Variants in PREX2 observed in about 807,000 individuals in gnomAD.
PREX2 encodes phosphatidylinositol 3,4,5-trisphosphate-dependent Rac exchanger 2 protein.
A neutral mutation model predicts 203.2 loss-of-function variants in PREX2; 107 were observed. The observed-to-expected ratio is 0.53, with a 90% CI of 0.45 to 0.62. The LOEUF is 0.62. Among genes scored for constraint, PREX2 ranks in the 20% least tolerant of loss-of-function variants. The probability of loss-of-function intolerance (pLI) is 0.00; values close to 1 mark genes in which losing one functional copy is unlikely to be tolerated. For missense variants in PREX2, 1,777 were observed against 1,955.9 expected (o/e 0.91, Z 1.72); for synonymous variants, 672 against 663.6 (o/e 1.01, Z -0.19).
chr8:68,214,190 A>G (rs1458091776), intron 37 of PREX2, among the ~76,000 whole-genome samples: 3 of 152,152 alleles, frequency 2.0e-5, no homozygotes, highest in Non-Finnish European at 4.4e-5. Flanking sequence ...CGCTTGAGAC[A>G]AGGAGTTCAA....
intron 1 of PREX2, among the ~76,000 whole-genome samples, chr8:67,959,032 A>G (rs1007065309): frequency 1.3e-5 from 2 of 152,222 alleles, no homozygotes; most frequent in Non-Finnish European, 2.9e-5. Flanking sequence ...CAATTGAGTG[A>G]GATGGCATAA....
chr8:68,057,944 G>C (rs973974048), intron 10 of PREX2, among the ~76,000 whole-genome samples: 1 of 152,170 alleles, frequency 6.6e-6, no homozygotes, highest in African/African-American at 2.4e-5. Context: ...GTGTCATATG[G>C]GAATAGTGCA....
chr8:67,998,702 T>C (rs4282552), intron 1 of PREX2, among the ~76,000 whole-genome samples: 104,336 of 152,074 alleles, frequency 0.69, 36,032 homozygotes, highest in South Asian at 0.81. Context: ...CCCAGGAGTT[T>C]GAGGCTGCAG....
At position 68,118,581 on chromosome 8, in the gene PREX2, T is replaced by G; in HGVS notation, c.3358T>G (p.Ser1120Ala). Residue 1120 changes from serine (S) to alanine (A), a missense_variant, in exon 27 of 40, where the codon TCC (serine) becomes GCC (alanine). By Grantham distance (99) the Ser-to-Ala change is moderately conservative. Transcript: ENST00000288368. ...DCNSNRNSIA[S>A]FTSICSSQCS... ...CAACAGCAATAGGAATTCCATCGCC[T>G]CCTTCACCAGCATCTGCAGCAGCCA... 6.2e-7 allele frequency: 1 copy of G among 1,614,052 alleles called. No individual in the cohort carries two copies. Among genetic ancestry groups the G allele is most frequent in the East Asian group, 2.2e-5 (1 of 44,882 alleles).
chr8:68,058,092 G>C (rs1415630836), intron 10 of PREX2, among the ~76,000 whole-genome samples: 1 of 152,196 alleles, frequency 6.6e-6, no homozygotes, highest in Admixed American at 6.5e-5. Context: ...GATCATTTCT[G>C]AGTGGATCCT....
chr8:68,183,121 C>G (rs1812116889), intron 35 of PREX2, among the ~76,000 whole-genome samples: 1 of 151,704 alleles, frequency 6.6e-6, no homozygotes, highest in Admixed American at 6.6e-5. Flanking sequence ...GCTTTTGGCA[C>G]CGGAGAAATT....
rs551148949 is a variant in PREX2, at chr8:68,045,400, A to G, written c.943+810A>G. Among the ~76,000 whole-genome samples, 4 of 152,230 alleles carry G rather than the reference A, an allele frequency of 2.6e-5. No homozygotes were observed. In the South Asian group the frequency reaches 6.2e-4, roughly 24 times the overall value. On this transcript the variant is annotated intron_variant, in intron 8 of 39. Transcript: ENST00000288368. Reference sequence around the variant, plus strand: ...TTCGTTATACATGTGGGATTGGGACACAGATCAGCTCCCTCCACCTCTCAC... The same window carrying G: ...TTCGTTATACATGTGGGATTGGGACGCAGATCAGCTCCCTCCACCTCTCAC...
intron 35 of PREX2, among the ~76,000 whole-genome samples, chr8:68,168,072 T>G (rs1011787522): frequency 1.3e-5 from 2 of 152,240 alleles, no homozygotes; most frequent in Admixed American, 1.3e-4. Context: ...ATGTGCTTTA[T>G]TTATGGTTAT....
chr8:68,047,040 A>C (rs1353017614), intron 8 of PREX2, among the ~76,000 whole-genome samples: 1 of 151,956 alleles, frequency 6.6e-6, no homozygotes, highest in African/African-American at 2.4e-5. Flanking sequence ...ACAGAGCTGG[A>C]GCTAGAGTTA....
At chr8:68,195,664 G>A (rs1258132008) in intron 37 of PREX2, among the ~76,000 whole-genome samples, 1 of 152,180 alleles carries the variant, frequency 6.6e-6, no homozygotes, top group Non-Finnish European at 1.5e-5. Flanking sequence ...ATTAAACACG[G>A]AGGTTTACCC....
intron 11 of PREX2, among the ~76,000 whole-genome samples, chr8:68,067,386 T>G (rs1023229634): frequency 1.3e-5 from 2 of 152,086 alleles, no homozygotes; most frequent in African/African-American, 4.8e-5. Flanking sequence ...TGTGTTTTCT[T>G]TAATTTCTTT....
At chr8:68,206,646 A>G (rs977562556) in intron 37 of PREX2, among the ~76,000 whole-genome samples, 6 of 152,212 alleles carry the variant, frequency 3.9e-5, no homozygotes, top group African/African-American at 1.4e-4. Flanking sequence ...TAGTATCAAA[A>G]CCCAAGAGCG....
At chr8:68,076,790 A>C (rs895913044) in intron 14 of PREX2, among the ~76,000 whole-genome samples, 2 of 152,072 alleles carry the variant, frequency 1.3e-5, no homozygotes, top group African/African-American at 4.8e-5. Context: ...AATGAAAACC[A>C]AAAGAAAAAG....
intron 1 of PREX2, among the ~76,000 whole-genome samples, chr8:67,991,852 A>C (rs542197688): frequency 2.0e-5 from 3 of 152,226 alleles, no homozygotes; most frequent in Non-Finnish European, 4.4e-5. Context: ...TGGGCCCAGT[A>C]CAGTCAGGAT....
chr8:68,027,567 T>C (rs1196283352), intron 5 of PREX2, among the ~76,000 whole-genome samples: 1 of 152,076 alleles, frequency 6.6e-6, no homozygotes, highest in Non-Finnish European at 1.5e-5. Flanking sequence ...AAGTTTCATT[T>C]AGAGGAAATG....
chr8:67,952,952 C>T (rs1805395177), intron 1 of PREX2, among the ~76,000 whole-genome samples: 1 of 152,116 alleles, frequency 6.6e-6, no homozygotes, highest in Non-Finnish European at 1.5e-5. Context: ...AAGGTCCAGT[C>T]GGCTACATCC....
chr8:68,141,182 G>T (rs995998390), intron 33 of PREX2, among the ~76,000 whole-genome samples: 4 of 152,112 alleles, frequency 2.6e-5, no homozygotes, highest in African/African-American at 4.8e-5. Context: ...CTAGCTAAAT[G>T]GTAAGTTTGT....
intron 35 of PREX2, among the ~76,000 whole-genome samples, chr8:68,185,216 A>G (rs1812166798): frequency 6.6e-6 from 1 of 152,058 alleles, no homozygotes; most frequent in African/African-American, 2.4e-5. Flanking sequence ...GCTGATAGCT[A>G]AGTGTTAATT....
rs527405985 is a variant in PREX2, at chr8:67,982,588, A to T, written c.141+30053A>T. ...GTCATTGTTTATGGGTAAAATATTTAAAAAATATATGTATTTCATTTGGGA... is the reference window on the plus strand; with the variant it reads ...GTCATTGTTTATGGGTAAAATATTTTAAAAATATATGTATTTCATTTGGGA... On this transcript the variant is annotated intron_variant, in intron 1 of 39. Transcript: ENST00000288368. 6.2e-4 allele frequency among the ~76,000 whole-genome samples: 95 copies of T among 152,344 alleles called. 2 individuals are homozygous for T. The highest frequency in any genetic ancestry group is 2.2e-3 in the African/African-American group (92 of 41,580).
Sources: gnomAD v4.1 joint callset for allele counts (sites outside exome capture counted in the v4.1 genomes callset) on GRCh38, gnomAD v4.1.1 for gene constraint, MANE v1.5 for transcripts, NCBI Gene and HGNC (gene_info 2026-07-23, HGNC 2026-07-21) for gene names.